DHRS12: variants seen among roughly 807,000 people sequenced by gnomAD.
DHRS12 encodes the protein dehydrogenase/reductase SDR family member 12.
A neutral mutation model predicts 32.1 loss-of-function variants in DHRS12; 29 were observed. The observed-to-expected ratio is 0.90, with a 90% confidence interval of 0.67 to 1.23. The LOEUF (loss-of-function observed/expected upper bound fraction) is 1.23, where lower values mean the gene tolerates loss of function less well. Ranked by LOEUF, DHRS12 falls within the 50% of genes most tolerant of loss-of-function variation. The pLI, the probability that DHRS12 is intolerant of heterozygous loss-of-function variation, is 0.00. For synonymous variants in DHRS12, 150 were observed against 135.9 expected (o/e 1.10, Z -0.72); for missense variants, 330 against 337.2 (o/e 0.98, Z 0.17).
chr13:51,759,865 T>A, the DHRS12 span: 35 of 1,374,438 alleles, frequency 2.5e-5, no homozygotes, highest in African/African-American at 2.2e-4. Flanking sequence ...ATGTGAGAAG[T>A]AAGAAAGAAA....
intron 2 of DHRS12, among the ~76,000 whole-genome samples, chr13:51,796,274 C>T (rs952866783): frequency 6.6e-6 from 1 of 152,162 alleles, no homozygotes; most frequent in Non-Finnish European, 1.5e-5. Context: ...GGAGGGACAG[C>T]TGATCCCTGG....
chr13:51,756,745 G>T, the DHRS12 span: 1 of 672,510 alleles, frequency 1.5e-6, no homozygotes, highest in Non-Finnish European at 1.8e-6. Context: ...CCTTCTGTCT[G>T]CTCATTTACT....
intron 4 of DHRS12, among the ~76,000 whole-genome samples, chr13:51,788,676 C>T (rs538765143): frequency 6.6e-6 from 1 of 152,056 alleles, no homozygotes; most frequent in South Asian, 2.1e-4. Flanking sequence ...GAGACCCCCA[C>T]CTCAACAACA....
At chr13:51,758,194 G>A in the DHRS12 span, 42 of 1,565,320 alleles carry the variant, frequency 2.7e-5, no homozygotes, top group South Asian at 8.2e-5. Flanking sequence ...CCTTCTAGAC[G>A]TGCACCCACA....
chr13:51,772,892 A>G lies in DHRS12; in HGVS notation c.469-981T>C, dbSNP rs549332652. The G allele has an allele frequency of 3.1e-5, 31 of 985,460 alleles. No homozygotes were observed. The South Asian group carries it at 1.3e-3, about 40-fold the overall frequency. 61.0% of individuals were successfully genotyped at this position (985,460 alleles called of 1,614,324 possible). A position where few individuals can be genotyped will look rare whatever the true frequency, so the allele number is the denominator to read the frequency against. On this transcript the variant is annotated intron_variant, in intron 6 of 8. Coordinates refer to ENST00000444610, the MANE Select transcript of DHRS12 (RefSeq NM_001377533.1). ...ACCAGGATTTGGTCTGGGGTCAAGG[A>G]GCAAAACTGGGGCACACCCAGGGCA...
the DHRS12 span, chr13:51,756,301 G>C: frequency 6.3e-7 from 1 of 1,599,826 alleles, no homozygotes; most frequent in Non-Finnish European, 8.5e-7. Context: ...AGGGAGCCGT[G>C]ATGAGTATCT....
intron 7 of DHRS12, 111 bp downstream of exon 7, chr13:51,771,710 A>G: frequency 7.2e-7 from 1 of 1,394,192 alleles, no homozygotes; most frequent in Middle Eastern, 1.8e-4. Context: ...GCTACTCCTC[A>G]GTCCTCATTA....
At chr13:51,803,133 T>C (rs574681649) in intron 1 of DHRS12, among the ~76,000 whole-genome samples, 8 of 152,288 alleles carry the variant, frequency 5.3e-5, no homozygotes, top group African/African-American at 1.9e-4. Context: ...GAGCTGAACC[T>C]TCTCCAAAAC....
At chr13:51,762,910 A>G in the DHRS12 span, 1 of 152,232 alleles carries the variant, frequency 6.6e-6, no homozygotes, top group Admixed American at 6.5e-5. Flanking sequence ...ACATTACTTG[A>G]CATTACTGCC....
chr13:51,788,199 C>G (rs1955083803), intron 4 of DHRS12, among the ~76,000 whole-genome samples: 1 of 151,894 alleles, frequency 6.6e-6, no homozygotes, highest in Non-Finnish European at 1.5e-5. Flanking sequence ...AATTATGTAA[C>G]CAGTCCTGCG....
At chr13:51,774,410 A>AGTATTCTCCTACAT in intron 5 of DHRS12, 3 of 97,128 alleles carry the variant, frequency 3.1e-5, no homozygotes, top group South Asian at 3.5e-4. Context: ...TGTATTCTAC[A>AGTATTCTCCTACAT]GTATTCTCCT....
At chr13:51,802,648 A>G (rs75359288) in intron 1 of DHRS12, among the ~76,000 whole-genome samples, 2,686 of 152,366 alleles carry the variant, frequency 0.018, 44 homozygotes, top group African/African-American at 0.043. Context: ...AGCCCAATAT[A>G]GGGAGGCTTT....
In DHRS12 at chr13:51,791,185, C is replaced by T. The variant is rs1955251237; in HGVS notation, c.199G>A (p.Glu67Lys). The change falls in exon 3 of 9, where the codon GAA becomes AAA. Residue 67 changes from glutamate (E) to lysine (K), a missense_variant. Glu to Lys is a moderately conservative substitution (Grantham distance 56). Coordinates refer to ENST00000444610, the MANE Select transcript of DHRS12 (RefSeq NM_001377533.1). ...CTCACCAGAACATGGAGTTTATGTT[C>T]CTGCTTGAAATTTTCAACAAATTTC... Reference protein sequence around the residue: ...IWKFVENFKQEHKLHVLINNA... With the variant: ...IWKFVENFKQKHKLHVLINNA... The T allele has an allele frequency of 1.3e-6, 2 of 1,582,980 alleles. No individual in the cohort carries two copies. Among genetic ancestry groups the T allele is most frequent in the African/African-American group, 1.4e-5 (1 of 73,886 alleles).
chr13:51,757,559 T>C, the DHRS12 span, among the ~76,000 whole-genome samples: 3 of 151,732 alleles, frequency 2.0e-5, no homozygotes, highest in African/African-American at 4.8e-5. Context: ...TTCCCGCCTC[T>C]GTTTCTTCTG....
In DHRS12 at chr13:51,782,756, C is replaced by T. The variant is rs528310979; in HGVS notation, c.302-5635G>A. ...AACCTGCTGTACTGCAGGGAGAACC[C>T]GAGTATGGGCACTTGGGCCTCAGCT... is the stretch of plus-strand genomic sequence containing the variant. On this transcript the variant is annotated intron_variant, in intron 4 of 8. Coordinates refer to ENST00000444610, the MANE Select transcript of DHRS12 (RefSeq NM_001377533.1). This position sits in a 1 kb window ranked among gnomAD's most constrained non-coding sequence, Gnocchi z 4.2. Among the ~76,000 whole-genome samples, 44 of 152,232 alleles carry T rather than the reference C, an allele frequency of 2.9e-4. 1 individual carries two copies. The highest frequency in any genetic ancestry group is 6.8e-3 in the Middle Eastern group (2 of 294).
chr13:51,789,865 T>G lies in DHRS12; in HGVS notation c.301+146A>C. The G allele has an allele frequency of 2.3e-6, 3 of 1,306,828 alleles. No individual in the cohort carries two copies. In the South Asian group the frequency reaches 7.2e-5, roughly 31 times the overall value. 81.0% of individuals were successfully genotyped at this position (1,306,828 alleles called of 1,614,324 possible). On this transcript the variant is annotated intron_variant, in intron 4 of 8. Coordinates refer to ENST00000444610, the MANE Select transcript of DHRS12 (RefSeq NM_001377533.1). ...AGAGAAAGTGTTTTATGAAGAAAAA[T>G]AAGTACAATTCAGAATAAACTTAAA...
At chr13:51,780,815 A>G (rs1462756290) in intron 4 of DHRS12, among the ~76,000 whole-genome samples, 5 of 152,212 alleles carry the variant, frequency 3.3e-5, no homozygotes, top group Non-Finnish European at 7.3e-5. Context: ...CTGAAATTAT[A>G]TATCTTGAGT....
intron 6 of DHRS12, 50 bp downstream of exon 6, chr13:51,773,880 C>T: frequency 6.7e-7 from 1 of 1,502,872 alleles, no homozygotes; most frequent in Non-Finnish European, 9.3e-7. Flanking sequence ...GGAAAAGGGC[C>T]CTCGCAGCCC....
intron 4 of DHRS12, chr13:51,789,714 A>G (rs1300222503): frequency 1.0e-6 from 1 of 985,330 alleles, no homozygotes; most frequent in African/African-American, 1.7e-5. Flanking sequence ...CTTGCACTCA[A>G]CACTTAAGCT....
Sources: gnomAD v4.1 joint callset for allele counts (sites outside exome capture counted in the v4.1 genomes callset) on GRCh38, gnomAD v4.1.1 for gene constraint, Gnocchi (gnomAD v3.1) non-coding constraint, MANE v1.5 for transcripts, NCBI Gene and HGNC (gene_info 2026-07-23, HGNC 2026-07-21) for gene names.